Variants in DSCAM observed in about 807,000 individuals in gnomAD.
DSCAM encodes the protein DS cell adhesion molecule, also known as cell adhesion molecule DSCAM.
DSCAM carries 47 observed loss-of-function variants against 217.7 expected under a neutral mutation model. The observed-to-expected ratio is 0.22, with a 90% confidence interval of 0.17 to 0.28. The LOEUF is 0.28. Ranked by LOEUF, DSCAM falls within the 10% of genes least tolerant of loss-of-function variation. The pLI is 1.00. For missense variants in DSCAM, 2,080 were observed against 2,618.3 expected, an observed-to-expected ratio of 0.79 and a Z score of 4.49; for synonymous variants, 1,056 against 1,015.3, an observed-to-expected ratio of 1.04 and a Z score of -0.76.
chr21:40,316,701 T>C (rs1035235297), intron 8 of DSCAM, among the ~76,000 whole-genome samples: 13 of 152,212 alleles, frequency 8.5e-5, no homozygotes, highest in Non-Finnish European at 1.9e-4. Flanking sequence ...AAAGGTCATT[T>C]ATTACCAGGC....
intron 1 of DSCAM, among the ~76,000 whole-genome samples, chr21:40,743,588 GA>G (rs1297421827): frequency 6.6e-6 from 1 of 151,544 alleles, no homozygotes; most frequent in Non-Finnish European, 1.5e-5. Context: ...TATACTAGAA[GA>G]AAAAAACAAT....
intron 1 of DSCAM, among the ~76,000 whole-genome samples, chr21:40,764,721 C>T (rs1390104160): frequency 6.6e-6 from 1 of 152,096 alleles, no homozygotes; most frequent in East Asian, 1.9e-4. Flanking sequence ...CAATGATAGA[C>T]TGGATAAAGA....
At chr21:40,058,291 C>G (rs1173693159) in intron 28 of DSCAM, among the ~76,000 whole-genome samples, 1 of 152,158 alleles carries the variant, frequency 6.6e-6, no homozygotes, top group Non-Finnish European at 1.5e-5. Flanking sequence ...ACTCAGATGC[C>G]ATCATCTTTC....
At chr21:40,387,106 A>G (rs2075093355) in intron 3 of DSCAM, among the ~76,000 whole-genome samples, 2 of 152,176 alleles carry the variant, frequency 1.3e-5, no homozygotes, top group Admixed American at 6.5e-5. Context: ...AGCTGCATAA[A>G]TCTAACATTG....
At chr21:40,413,759 A>G (rs2075344871) in intron 3 of DSCAM, among the ~76,000 whole-genome samples, 1 of 152,252 alleles carries the variant, frequency 6.6e-6, no homozygotes, top group African/African-American at 2.4e-5. Flanking sequence ...AAAGATAAAC[A>G]TAGGGACCTA....
At chr21:40,715,801 A>T (rs1850532664) in intron 1 of DSCAM, among the ~76,000 whole-genome samples, 1 of 151,898 alleles carries the variant, frequency 6.6e-6, no homozygotes, top group South Asian at 2.1e-4. Context: ...GGATTCTTTT[A>T]TTTTTTTTCC....
intron 1 of DSCAM, among the ~76,000 whole-genome samples, chr21:40,751,475 GAACA>G (rs376715542): frequency 2.6e-4 from 40 of 152,294 alleles, no homozygotes; most frequent in African/African-American, 9.1e-4. Flanking sequence ...TTGAATAAAT[GAACA>G]AACTACACAC....
intron 3 of DSCAM, among the ~76,000 whole-genome samples, chr21:40,466,816 A>T (rs2075849200): frequency 1.3e-5 from 2 of 152,180 alleles, no homozygotes; most frequent in Admixed American, 1.3e-4. Flanking sequence ...CAAGGTTCCA[A>T]TGATACTGTG....
At chr21:40,550,444 G>A (rs2076620556) in intron 3 of DSCAM, among the ~76,000 whole-genome samples, 1 of 152,106 alleles carries the variant, frequency 6.6e-6, no homozygotes, top group South Asian at 2.1e-4. Flanking sequence ...AGAATCACTG[G>A]AACCTGGGAG....
chr21:40,641,831 C>T (rs1434850973), intron 3 of DSCAM, among the ~76,000 whole-genome samples: 2 of 151,938 alleles, frequency 1.3e-5, no homozygotes, highest in East Asian at 1.9e-4. Context: ...GGGTGGATCA[C>T]GAGGTCAGGA....
intron 10 of DSCAM, among the ~76,000 whole-genome samples, chr21:40,280,343 T>C (rs1214199249): frequency 6.6e-6 from 1 of 151,800 alleles, no homozygotes; most frequent in African/African-American, 2.4e-5. Context: ...GACACCACCA[T>C]ACCCCGCTAG....
chr21:40,080,421 G>T, intron 24 of DSCAM, 81 bp from the exon 25 acceptor site: 1 of 1,206,190 alleles, frequency 8.3e-7, no homozygotes, highest in Non-Finnish European at 1.1e-6. Context: ...TTTTGTGTGG[G>T]TAATAGAACG....
intron 26 of DSCAM, 24 bp downstream of exon 26, chr21:40,078,663 G>A: frequency 1.2e-6 from 2 of 1,602,722 alleles, no homozygotes; most frequent in East Asian, 4.5e-5. Context: ...ACAAGCAGGA[G>A]AGCCACAAAG....
chr21:40,745,719 A>G (rs2091167526), intron 1 of DSCAM, among the ~76,000 whole-genome samples: 1 of 152,168 alleles, frequency 6.6e-6, no homozygotes, highest in Non-Finnish European at 1.5e-5. Flanking sequence ...TAACGGTATA[A>G]AATTCACTGG....
intron 3 of DSCAM, among the ~76,000 whole-genome samples, chr21:40,608,121 C>T (rs1286964172): frequency 6.6e-6 from 1 of 152,128 alleles, no homozygotes; most frequent in African/African-American, 2.4e-5. Context: ...TAGGAGGAGA[C>T]TGATTATAAA....
chr21:40,545,905 T>G (rs2076578779), intron 3 of DSCAM, among the ~76,000 whole-genome samples: 1 of 152,200 alleles, frequency 6.6e-6, no homozygotes. Context: ...GAACAGAAAG[T>G]CAGGTCCAGT....
chr21:40,335,909 G>A (rs1318757300), intron 8 of DSCAM, among the ~76,000 whole-genome samples: 1 of 152,156 alleles, frequency 6.6e-6, no homozygotes, highest in African/African-American at 2.4e-5. Flanking sequence ...GCGTTACCAT[G>A]AATCCCAGCA....
intron 3 of DSCAM, among the ~76,000 whole-genome samples, chr21:40,430,780 A>G (rs1402983520): frequency 6.6e-6 from 1 of 152,140 alleles, no homozygotes; most frequent in African/African-American, 2.4e-5. Flanking sequence ...TTTGGGCCTC[A>G]TTGTCACAAT....
At chr21:40,549,960 C>A (rs2076616158) in intron 3 of DSCAM, among the ~76,000 whole-genome samples, 1 of 152,330 alleles carries the variant, frequency 6.6e-6, no homozygotes, top group Non-Finnish European at 1.5e-5. Flanking sequence ...AAAAGCTAAG[C>A]AAAGAGTCTT....
Sources: allele counts gnomAD v4.1 joint callset (sites outside exome capture counted in the v4.1 genomes callset), GRCh38; gene constraint gnomAD v4.1.1; transcripts MANE v1.5; gene names NCBI Gene and HGNC (gene_info 2026-07-23, HGNC 2026-07-21).